The following GABRG1 variants were observed in gnomAD, a reference collection of about 807,000 sequenced individuals.
The protein encoded by GABRG1 is gamma-aminobutyric acid type A receptor subunit gamma1.
Under a neutral mutation model 49.8 loss-of-function variants are expected in GABRG1, and 49 were observed. That is an observed-to-expected ratio of 0.98 (90% CI 0.78 to 1.25). The LOEUF (loss-of-function observed/expected upper bound fraction) is 1.25. Among genes scored for constraint, GABRG1 ranks in the 50% most tolerant of loss-of-function variants. The pLI is 0.00. For missense variants in GABRG1, 552 were observed against 552.3 expected (o/e 1.00, Z 0.01); for synonymous variants, 232 against 185.1 (o/e 1.25, Z -2.06).
intron 1 of GABRG1, among the ~76,000 whole-genome samples, chr4:46,100,809 A>G (rs1226316175): frequency 1.3e-5 from 2 of 149,886 alleles, no homozygotes; most frequent in Non-Finnish European, 3.0e-5. Context: ...CCCTTTTCTC[A>G]GGTAGTAGAG....
rs776521172 is a variant in GABRG1, at chr4:46,051,595, G to T, written c.960C>A (p.Ala320=). Residue 320 remains alanine (A), a synonymous_variant, in exon 8 of 9, where the codon GCC becomes GCA. Coordinates refer to ENST00000295452, the MANE Select transcript of GABRG1 (RefSeq NM_173536.4). ...VLTMTTLSTI[A]RKSLPKVSYV... Reference sequence around the variant, plus strand: ...AAGAAACCTTAGGTAAAGACTTCCTGGCAATTGTACTCAGGGTTGTCATAG... The same window carrying T: ...AAGAAACCTTAGGTAAAGACTTCCTTGCAATTGTACTCAGGGTTGTCATAG... The T allele has an allele frequency of 6.2e-7, 1 of 1,610,868 alleles. No individual in the cohort carries two copies. Among genetic ancestry groups the T allele is most frequent in the African/African-American group, 1.3e-5 (1 of 74,694 alleles).
At chr4:46,053,926 G>A (rs1718343184) in intron 7 of GABRG1, among the ~76,000 whole-genome samples, 1 of 151,886 alleles carries the variant, frequency 6.6e-6, no homozygotes, top group African/African-American at 2.4e-5. Context: ...AAAACATTTT[G>A]GATATCATTG....
At chr4:46,092,627 G>A (rs922399187) in intron 2 of GABRG1, among the ~76,000 whole-genome samples, 4 of 151,818 alleles carry the variant, frequency 2.6e-5, no homozygotes, top group Non-Finnish European at 4.4e-5. Flanking sequence ...AAACATATCT[G>A]CATTAACCAC....
At chr4:46,059,558 C>T (rs911251515) in intron 5 of GABRG1, among the ~76,000 whole-genome samples, 1 of 151,680 alleles carries the variant, frequency 6.6e-6, no homozygotes, top group Admixed American at 6.6e-5. Context: ...GAATGGCTAC[C>T]CTTTTTTTTT....
Position 46,041,243 on chromosome 4 carries a change from A to G in GABRG1, c.1143T>C (p.Gly381=), listed in dbSNP as rs748604830. The change falls in exon 9 of 9, where the codon GGT becomes GGC. Residue 381 remains glycine, a synonymous_variant. Coordinates refer to ENST00000295452, the MANE Select transcript of GABRG1 (RefSeq NM_173536.4). The part of the protein sequence containing the change: ...KLKNKASMTP[G]LHPGSTLIPM... ...GAATCAGAGTGGATCCAGGATGGAG[A>G]CCAGGAGTCATCTGAGCACAATAAT... The G allele has an allele frequency of 6.2e-7, 1 of 1,612,314 alleles. No homozygotes were observed. The highest frequency in any genetic ancestry group is 8.5e-7 in the Non-Finnish European group (1 of 1,178,936).
intron 4 of GABRG1, among the ~76,000 whole-genome samples, chr4:46,065,131 T>C (rs1356506087): frequency 6.6e-6 from 1 of 152,158 alleles, no homozygotes; most frequent in East Asian, 1.9e-4. Flanking sequence ...CCTGTTCTGC[T>C]TCAAAGGAAG....
intron 1 of GABRG1, among the ~76,000 whole-genome samples, chr4:46,107,744 AC>A (rs1282348496): frequency 6.6e-6 from 1 of 151,170 alleles, no homozygotes; most frequent in East Asian, 2.0e-4. Flanking sequence ...TTACTCTACA[AC>A]AATCTCATGT....
intron 5 of GABRG1, among the ~76,000 whole-genome samples, chr4:46,063,218 C>G (rs895367478): frequency 5.9e-5 from 9 of 152,034 alleles, no homozygotes; most frequent in African/African-American, 1.7e-4. Flanking sequence ...CAAGTCAATC[C>G]TAAGCCAAAA....
In GABRG1 at chr4:46,039,492, A is replaced by G. The variant is rs1472405384; in HGVS notation, c.*1496T>C. 10 of 151,744 alleles carry G rather than the reference A, an allele frequency of 6.6e-5. 1 individual carries two copies. The highest frequency in any genetic ancestry group is 1.3e-4 in the Admixed American group (2 of 15,158). The allele number at this position is 151,744 out of a possible 1,614,324, so 9.4% of individuals were successfully genotyped here. On this transcript the variant is annotated 3_prime_UTR_variant, in exon 9 of 9. Transcript: ENST00000295452. ...AACTAGAGTAACAATTGCAGAGGTGACAGGTTTCCTCTCAAACCTTAAGTA... is the reference window on the plus strand; with the variant it reads ...AACTAGAGTAACAATTGCAGAGGTGGCAGGTTTCCTCTCAAACCTTAAGTA...
chr4:46,097,411 T>G, intron 1 of GABRG1, 62 bp from the exon 2 acceptor site: 10 of 1,471,572 alleles, frequency 6.8e-6, no homozygotes, highest in Non-Finnish European at 9.2e-6. Flanking sequence ...TATAAAAGTA[T>G]AGTTTAAGTA....
intron 2 of GABRG1, among the ~76,000 whole-genome samples, chr4:46,090,168 C>A (rs1174259038): frequency 3.9e-5 from 6 of 151,980 alleles, no homozygotes; most frequent in African/African-American, 7.2e-5. Flanking sequence ...ATTACTTCAA[C>A]AATTAAGTCA....
intron 8 of GABRG1, among the ~76,000 whole-genome samples, chr4:46,043,071 C>T (rs566037913): frequency 6.6e-6 from 1 of 151,880 alleles, no homozygotes; most frequent in South Asian, 2.1e-4. Flanking sequence ...ATAGCATATG[C>T]TCTTATGCTA....
At chr4:46,093,249 T>C (rs753943142) in intron 2 of GABRG1, among the ~76,000 whole-genome samples, 11 of 152,004 alleles carry the variant, frequency 7.2e-5, no homozygotes, top group Non-Finnish European at 1.2e-4. Context: ...GGTATATGTA[T>C]ACAATTGAGT....
In GABRG1 at chr4:46,053,691, C is replaced by A. The variant is rs28542704; in HGVS notation, c.917-2053G>T. On this transcript the variant is annotated intron_variant, in intron 7 of 8. Transcript: ENST00000295452. ...AAATCTTAAATCCAATGTGTGGTTT[C>A]ATTTTGTTATCCACTACTGCAATAA... 4.4e-3 allele frequency among the ~76,000 whole-genome samples: 673 copies of A among 151,994 alleles called. 5 individuals carry two copies. The highest frequency in any genetic ancestry group is 0.015 in the African/African-American group (613 of 41,494).
rs1287653337 is a variant in GABRG1, at chr4:46,056,148, AATT to A, written c.916+2066_916+2068del. Among the ~76,000 whole-genome samples, 31 of 12,724 alleles carry A rather than the reference AATT, an allele frequency of 2.4e-3. 2 individuals are homozygous for A. The highest frequency in any genetic ancestry group is 8.2e-3 in the African/African-American group (9 of 1,096). The allele number at this position is 12,724 out of a possible 152,430, so 8.3% of individuals were successfully genotyped here. The stretch of plus-strand genomic sequence containing the variant: ...GGAAAAAAAAAAAAATAAATAAATA[AATT>A]AAAAAAAAAAAAAAAAAAAAAAAAA... On this transcript the variant is annotated intron_variant, in intron 7 of 8. Coordinates refer to ENST00000295452, the MANE Select transcript of GABRG1 (RefSeq NM_173536.4).
intron 3 of GABRG1, among the ~76,000 whole-genome samples, chr4:46,080,749 T>C (rs1213302530): frequency 3.3e-5 from 5 of 151,764 alleles, no homozygotes; most frequent in Non-Finnish European, 7.4e-5. Flanking sequence ...TTCATGCAAA[T>C]TGAAAACATA....
intron 1 of GABRG1, among the ~76,000 whole-genome samples, chr4:46,122,903 A>C (rs1233847533): frequency 6.6e-6 from 1 of 152,006 alleles, no homozygotes; most frequent in Admixed American, 6.6e-5. Context: ...TCTATGTCTT[A>C]ATCAACGTAT....
chr4:46,091,208 G>A (rs1357776839), intron 2 of GABRG1, among the ~76,000 whole-genome samples: 2 of 152,040 alleles, frequency 1.3e-5, no homozygotes, highest in East Asian at 1.9e-4. Context: ...CATCTCAAAT[G>A]GTTGGTCTTA....
chr4:46,112,512 C>G (rs1412425490), intron 1 of GABRG1, among the ~76,000 whole-genome samples: 8 of 151,246 alleles, frequency 5.3e-5, no homozygotes, highest in Non-Finnish European at 1.0e-4. Context: ...ACAAATAATT[C>G]TACCAAAAAG....
Sources: allele counts gnomAD v4.1 joint callset (sites outside exome capture counted in the v4.1 genomes callset), GRCh38; gene constraint gnomAD v4.1.1; transcripts MANE v1.5; gene names NCBI Gene and HGNC (gene_info 2026-07-23, HGNC 2026-07-21).